The following NRIP1 variants were observed in gnomAD, a reference collection of about 807,000 sequenced individuals.
NRIP1 encodes nuclear receptor interacting protein 1.
A neutral mutation model predicts 75.0 loss-of-function variants in NRIP1; 28 were observed. The observed-to-expected ratio is 0.37, with a 90% confidence interval of 0.28 to 0.51. The LOEUF (loss-of-function observed/expected upper bound fraction) is 0.51. Among genes scored for constraint, NRIP1 ranks in the 20% least tolerant of loss-of-function variants. The pLI is 0.92. For missense variants in NRIP1, 1,435 were observed against 1,343.7 expected (o/e 1.07, Z -1.06); for synonymous variants, 526 against 487.6 (o/e 1.08, Z -1.04).
At chr21:14,986,958 T>A (rs1334481603) in intron 3 of NRIP1, among the ~76,000 whole-genome samples, 1 of 152,204 alleles carries the variant, frequency 6.6e-6, no homozygotes, top group Non-Finnish European at 1.5e-5. Context: ...GACAGAATCA[T>A]AATTTAAAGG....
At chr21:14,975,168 T>C (rs550714956) in intron 3 of NRIP1, among the ~76,000 whole-genome samples, 1 of 152,178 alleles carries the variant, frequency 6.6e-6, no homozygotes, top group South Asian at 2.1e-4. Flanking sequence ...ATCTAGGATG[T>C]ATCTGAAGAC....
intron 1 of NRIP1, among the ~76,000 whole-genome samples, chr21:15,056,121 A>G (rs1600938008): frequency 6.6e-6 from 1 of 152,272 alleles, no homozygotes; most frequent in South Asian, 2.1e-4. Flanking sequence ...AGATGCATCT[A>G]AAAACTAACT....
At chr21:15,002,539 G>A (rs2087873825) in intron 3 of NRIP1, among the ~76,000 whole-genome samples, 1 of 152,006 alleles carries the variant, frequency 6.6e-6, no homozygotes, top group African/African-American at 2.4e-5. Flanking sequence ...GTCTACTTCG[G>A]TGAACTAATT....
intron 3 of NRIP1, among the ~76,000 whole-genome samples, chr21:14,994,899 C>T (rs551269132): frequency 6.6e-5 from 10 of 152,182 alleles, no homozygotes; most frequent in Admixed American, 2.6e-4. Context: ...TATTCTAGAG[C>T]AAACAAATTT....
intron 1 of NRIP1, among the ~76,000 whole-genome samples, chr21:15,062,279 A>C (rs1245269206): frequency 6.6e-6 from 1 of 152,156 alleles, no homozygotes; most frequent in Non-Finnish European, 1.5e-5. Flanking sequence ...CATTGATTTT[A>C]CTCTTCATAT....
At position 15,047,316 on chromosome 21, in the gene NRIP1, C is replaced by T. The variant is rs897268530; in HGVS notation, c.-537-3742G>A. Among the ~76,000 whole-genome samples the T allele has an allele frequency of 1.2e-4, 18 of 152,134 alleles. No homozygotes were observed. In the South Asian group the frequency reaches 1.9e-3, roughly 16 times the overall value. On this transcript the variant is annotated intron_variant, in intron 1 of 3. Transcript: ENST00000318948. ...CAGCACTTTGGGAGGCCGAGGCAGGCAGATCACGAGGTCAGGAGACAGAGA... is the reference window on the plus strand; with the variant it reads ...CAGCACTTTGGGAGGCCGAGGCAGGTAGATCACGAGGTCAGGAGACAGAGA...
In NRIP1 at chr21:14,966,395, T is replaced by C. The variant is rs1343282363; in HGVS notation, c.1798A>G (p.Met600Val). The C allele has an allele frequency of 4.3e-6, 7 of 1,613,942 alleles. No individual in the cohort carries two copies. The highest frequency in any genetic ancestry group is 4.5e-5 in the East Asian group (2 of 44,884). The part of the protein sequence containing the change: ...KLTNTASNHS[M>V]DLTKSKDPPG... Reference sequence around the variant, plus strand: ...GGGTCTTTGCTTTTTGTAAGGTCCATTGAGTGGTTAGATGCAGTATTTGTT... The same window carrying C: ...GGGTCTTTGCTTTTTGTAAGGTCCACTGAGTGGTTAGATGCAGTATTTGTT... Residue 600 changes from methionine (M) to valine (V), a missense_variant, in exon 4 of 4, where the codon ATG becomes GTG. Physicochemically the swap from Met to Val is conservative, Grantham distance 21 (BLOSUM62 1). Coordinates refer to ENST00000318948, the MANE Select transcript of NRIP1 (RefSeq NM_003489.4).
chr21:15,017,870 T>C (rs965810436), intron 2 of NRIP1, among the ~76,000 whole-genome samples: 1 of 152,232 alleles, frequency 6.6e-6, no homozygotes, highest in East Asian at 1.9e-4. Flanking sequence ...GAATTGTTTA[T>C]GTTAATGGTT....
At chr21:15,008,976 T>C (rs530123415) in intron 3 of NRIP1, among the ~76,000 whole-genome samples, 1 of 152,388 alleles carries the variant, frequency 6.6e-6, no homozygotes, top group African/African-American at 2.4e-5. Context: ...CATCAGTTGA[T>C]ATGAATCTCA....
chr21:14,994,978 A>C (rs1336455540), intron 3 of NRIP1, among the ~76,000 whole-genome samples: 1 of 152,262 alleles, frequency 6.6e-6, no homozygotes, highest in Non-Finnish European at 1.5e-5. Flanking sequence ...GTACTACAAA[A>C]TAAATCCAAA....
chr21:15,032,154 G>C (rs934194334), intron 2 of NRIP1, among the ~76,000 whole-genome samples: 15 of 152,214 alleles, frequency 9.9e-5, no homozygotes, highest in African/African-American at 3.1e-4. Context: ...GGGTAATTTT[G>C]AGTCAAAGGG....
chr21:15,063,194 AG>A (rs1228971272), intron 1 of NRIP1, among the ~76,000 whole-genome samples: 1 of 152,210 alleles, frequency 6.6e-6, no homozygotes, highest in Non-Finnish European at 1.5e-5. Context: ...CTTTGTCTCT[AG>A]GAACTATGCC....
At chr21:15,036,589 T>A (rs890730044) in intron 2 of NRIP1, among the ~76,000 whole-genome samples, 37 of 151,320 alleles carry the variant, frequency 2.4e-4, no homozygotes, top group African/African-American at 7.5e-4. Flanking sequence ...ATTTTGGGGG[T>A]TTTTTTGGAG....
chr21:15,064,451 C>G (rs957974071), intron 1 of NRIP1, among the ~76,000 whole-genome samples: 82 of 152,202 alleles, frequency 5.4e-4, no homozygotes, highest in Non-Finnish European at 9.9e-4. Context: ...AGTCCGGCCC[C>G]GCTCAGGGGC....
chr21:15,057,397 T>C (rs2089329873), intron 1 of NRIP1, among the ~76,000 whole-genome samples: 1 of 152,190 alleles, frequency 6.6e-6, no homozygotes, highest in African/African-American at 2.4e-5. Context: ...GTGATACACT[T>C]CAGAAGAGTT....
intron 2 of NRIP1, 98 bp from the exon 3 acceptor site, chr21:15,014,564 C>A: frequency 5.0e-6 from 2 of 397,498 alleles, no homozygotes; most frequent in South Asian, 1.3e-4. Flanking sequence ...TTTTCTTGTT[C>A]AAGTTCAATG....
chr21:15,035,588 G>A (rs930816201), intron 2 of NRIP1, among the ~76,000 whole-genome samples: 3 of 139,872 alleles, frequency 2.1e-5, no homozygotes, highest in South Asian at 2.2e-4. Flanking sequence ...ACAGAGTCTC[G>A]CTCTGTTGCC....
At chr21:15,057,270 G>A (rs2089326779) in intron 1 of NRIP1, among the ~76,000 whole-genome samples, 1 of 152,120 alleles carries the variant, frequency 6.6e-6, no homozygotes, top group Non-Finnish European at 1.5e-5. Flanking sequence ...TCCTTGAAGT[G>A]GACAAACATA....
chr21:15,014,291 TATTA>T, intron 3 of NRIP1, 49 bp downstream of exon 3: 2 of 395,002 alleles, frequency 5.1e-6, no homozygotes, highest in Non-Finnish European at 8.9e-6. Context: ...GTCTGAAATA[TATTA>T]AAGTCATAAT....
Sources: gnomAD v4.1 joint callset for allele counts (sites outside exome capture counted in the v4.1 genomes callset) on GRCh38, gnomAD v4.1.1 for gene constraint, MANE v1.5 for transcripts, NCBI Gene and HGNC (gene_info 2026-07-23, HGNC 2026-07-21) for gene names.